SFMBT1: variants seen among roughly 807,000 people sequenced by gnomAD.
SFMBT1 encodes the protein Scm like with four mbt domains 1, also known as scm-like with four MBT domains protein 1.
In SFMBT1, 32 loss-of-function variants were observed where a neutral mutation model predicts 108.7. The ratio of observed to expected loss-of-function variants is 0.29; its 90% confidence interval spans 0.22 to 0.40. The LOEUF (loss-of-function observed/expected upper bound fraction) is 0.40, where lower values mean the gene tolerates loss of function less well. Among genes scored for constraint, SFMBT1 ranks in the 10% least tolerant of loss-of-function variants. The probability of loss-of-function intolerance (pLI) is 1.00; values close to 1 mark genes in which losing one functional copy is unlikely to be tolerated. For synonymous variants in SFMBT1, 348 were observed against 369.5 expected (o/e 0.94, Z 0.67); for missense variants, 816 against 1,059.6 (o/e 0.77, Z 3.19).
chr3:52,930,573 A>T (rs1158238968), intron 7 of SFMBT1, 143 bp from the exon 8 acceptor site: 1 of 601,934 alleles, frequency 1.7e-6, no homozygotes, highest in Non-Finnish European at 2.9e-6. Context: ...AAACTATCCA[A>T]TATAATTTTC....
intron 1 of SFMBT1, among the ~76,000 whole-genome samples, chr3:52,987,085 C>T (rs1704948410): frequency 6.6e-6 from 1 of 152,170 alleles, no homozygotes; most frequent in South Asian, 2.1e-4. Context: ...TTGTCTTCCA[C>T]CTCCACATCC....
intron 16 of SFMBT1, 47 bp downstream of exon 16, chr3:52,912,491 T>C: frequency 6.5e-7 from 1 of 1,546,008 alleles, no homozygotes; most frequent in Non-Finnish European, 8.9e-7. Flanking sequence ...TCTGTGACTT[T>C]TTAAAGACAA....
intron 1 of SFMBT1, among the ~76,000 whole-genome samples, chr3:52,973,287 A>C (rs897832532): frequency 6.6e-6 from 1 of 152,136 alleles, no homozygotes; most frequent in South Asian, 2.1e-4. Flanking sequence ...ACTGATCTGG[A>C]TCTTACTCAT....
chr3:53,032,696 TG>T (rs1432565470), intron 1 of SFMBT1, among the ~76,000 whole-genome samples: 1 of 152,260 alleles, frequency 6.6e-6, no homozygotes, highest in African/African-American at 2.4e-5. Flanking sequence ...GTGTCTACTC[TG>T]TGCTAGGTTG....
At chr3:52,943,024 C>CAACA (rs1229607417) in intron 4 of SFMBT1, among the ~76,000 whole-genome samples, 2 of 152,158 alleles carry the variant, frequency 1.3e-5, no homozygotes, top group Non-Finnish European at 2.9e-5. Flanking sequence ...AAAAGAAAAT[C>CAACA]AACAGCACAT....
intron 1 of SFMBT1, among the ~76,000 whole-genome samples, chr3:53,038,156 G>A (rs867142005): frequency 2.0e-5 from 3 of 152,116 alleles, no homozygotes; most frequent in Non-Finnish European, 4.4e-5. Flanking sequence ...TGCACCTGTA[G>A]TCCTAGCTAC....
At chr3:52,934,159 TAGTC>T (rs1208826327) in intron 5 of SFMBT1, among the ~76,000 whole-genome samples, 25 of 152,120 alleles carry the variant, frequency 1.6e-4, no homozygotes, top group Admixed American at 1.2e-3. Context: ...CATACCCACT[TAGTC>T]AGCTATAATA....
intron 14 of SFMBT1, among the ~76,000 whole-genome samples, chr3:52,913,831 T>C (rs536161176): frequency 1.3e-5 from 2 of 152,270 alleles, no homozygotes; most frequent in East Asian, 3.9e-4. Flanking sequence ...GGGTCCTGAA[T>C]TAACATGCTG....
chr3:53,042,172 A>T (rs1700079734), intron 1 of SFMBT1, among the ~76,000 whole-genome samples: 1 of 152,212 alleles, frequency 6.6e-6, no homozygotes, highest in South Asian at 2.1e-4. Flanking sequence ...ATGACGCCAA[A>T]ATAAAAAGCC....
intron 4 of SFMBT1, among the ~76,000 whole-genome samples, chr3:52,936,302 G>C (rs913120578): frequency 1.3e-5 from 2 of 152,152 alleles, no homozygotes; most frequent in African/African-American, 4.8e-5. Context: ...TTCATAGAAA[G>C]AAGGCTTTCT....
intron 1 of SFMBT1, among the ~76,000 whole-genome samples, chr3:53,035,049 C>T (rs1441971604): frequency 6.6e-6 from 1 of 152,180 alleles, no homozygotes; most frequent in Admixed American, 6.5e-5. Flanking sequence ...ACACCCTAAG[C>T]GGATGGAACA....
rs138529594 is a variant in SFMBT1, at chr3:52,962,978, GTTATT to G, written c.28+6118_28+6122del. Among the ~76,000 whole-genome samples the G allele has an allele frequency of 1.3e-3, 202 of 150,424 alleles. 3 individuals are homozygous for G. In the Middle Eastern group the frequency reaches 0.02, roughly 15 times the overall value. The stretch of plus-strand genomic sequence containing the variant: ...AAAGAATTAGTAATATCAGGTTGAA[GTTATT>G]TTATTTTATTTTATTTTATTTTATT... On this transcript the variant is annotated intron_variant, in intron 2 of 20. Transcript: ENST00000394752.
chr3:52,949,602 G>A (rs1157114001), intron 3 of SFMBT1, among the ~76,000 whole-genome samples: 4 of 84,090 alleles, frequency 4.8e-5, no homozygotes, highest in African/African-American at 1.6e-4. Flanking sequence ...TTTTGAGACC[G>A]AGTTTCACTC....
intron 4 of SFMBT1, among the ~76,000 whole-genome samples, chr3:52,939,194 A>G (rs908525975): frequency 6.6e-6 from 1 of 152,210 alleles, no homozygotes; most frequent in African/African-American, 2.4e-5. Flanking sequence ...ATTTTGATGT[A>G]GCTGCCCTCA....
rs549695982 is a variant in SFMBT1 at position 53,003,075 on chromosome 3, T to C, written c.-130-33817A>G. Among the ~76,000 whole-genome samples the C allele has an allele frequency of 1.2e-4, 15 of 121,752 alleles. No individual in the cohort carries two copies. The East Asian group carries it at 3.5e-3, about 28-fold the overall frequency. 79.9% of individuals were successfully genotyped at this position (121,752 alleles called of 152,430 possible). On this transcript the variant is annotated intron_variant, in intron 1 of 20. Transcript: ENST00000394752. ...AGGCAGAGGCTGCAGTGAGCTTAGATAGTGTCACTGCACTCCAGCCTGGGT... is the reference window on the plus strand; with the variant it reads ...AGGCAGAGGCTGCAGTGAGCTTAGACAGTGTCACTGCACTCCAGCCTGGGT...
At chr3:52,935,042 TAAAAC>T (rs1702966230) in intron 4 of SFMBT1, 141 bp from the exon 5 acceptor site, 2 of 625,792 alleles carry the variant, frequency 3.2e-6, no homozygotes, top group South Asian at 2.1e-5. Flanking sequence ...CTTGAAAAGA[TAAAAC>T]AAAATAAAAC....
chr3:52,944,929 G>A (rs1703307601), intron 3 of SFMBT1, among the ~76,000 whole-genome samples: 1 of 151,614 alleles, frequency 6.6e-6, no homozygotes, highest in South Asian at 2.1e-4. Context: ...TCAGCCTCCT[G>A]AGTAGCTGAG....
intron 1 of SFMBT1, among the ~76,000 whole-genome samples, chr3:52,975,755 C>T (rs1704497019): frequency 6.6e-6 from 1 of 152,108 alleles, no homozygotes; most frequent in Non-Finnish European, 1.5e-5. Flanking sequence ...GTGTGTGCTA[C>T]CACGCCCGGC....
At chr3:53,021,513 T>C (rs951597199) in intron 1 of SFMBT1, among the ~76,000 whole-genome samples, 1 of 152,162 alleles carries the variant, frequency 6.6e-6, no homozygotes, top group African/African-American at 2.4e-5. Context: ...ACAACAAGTA[T>C]CCATGGGTCA....
Sources: allele counts gnomAD v4.1 joint callset (sites outside exome capture counted in the v4.1 genomes callset), GRCh38; gene constraint gnomAD v4.1.1; transcripts MANE v1.5; gene names NCBI Gene and HGNC (gene_info 2026-07-23, HGNC 2026-07-21).